Variants in IL19 observed in about 807,000 individuals in gnomAD.
IL19 encodes the protein interleukin 19.
In IL19, 15 loss-of-function variants were observed where a neutral mutation model predicts 19.5. The observed-to-expected ratio is 0.77, with a 90% CI of 0.52 to 1.19. The LOEUF (loss-of-function observed/expected upper bound fraction) is 1.19, where lower values mean the gene tolerates loss of function less well. IL19 is among the 50% of genes most tolerant of loss of function. IL19 has a pLI of 0.00. For synonymous variants in IL19, 78 were observed against 78.3 expected (o/e 1.00, Z 0.02); for missense variants, 199 against 213.1 (o/e 0.93, Z 0.41).
intron 2 of IL19, chr1:206,834,033 C>T (rs1468142046): frequency 1.5e-5 from 15 of 985,372 alleles, no homozygotes; most frequent in African/African-American, 8.7e-5. Context: ...CACTTGGTAA[C>T]GTGCCACAGC....
rs1210811175 is a variant in IL19, at chr1:206,836,764, G to T, written c.102G>T (p.Met34Ile). The T allele has an allele frequency of 1.2e-6, 2 of 1,613,964 alleles. No individual in the cohort carries two copies. The highest frequency in any genetic ancestry group is 1.7e-5 in the Admixed American group (1 of 60,008). Residue 34 changes from methionine to isoleucine, a missense_variant, in exon 3 of 7, where the codon ATG becomes ATT. Met to Ile is a conservative substitution (Grantham distance 10). Transcript: ENST00000659997. ...GGAGATGTCTGATTTCCACAGACAT[G>T]CACCATATAGAAGAGAGTTTCCAAG... ...GLRRCLISTD[M>I]HHIEESFQEI...
At chr1:206,801,309 A>G (rs2102461088) in intron 2 of IL19, among the ~76,000 whole-genome samples, 1 of 152,244 alleles carries the variant, frequency 6.6e-6, no homozygotes, top group Non-Finnish European at 1.5e-5. Context: ...CCTGCTCTGG[A>G]ATGTTCCTTG....
chr1:206,778,451 G>C (rs1675059789), intron 1 of IL19, among the ~76,000 whole-genome samples: 1 of 152,072 alleles, frequency 6.6e-6, no homozygotes, highest in Non-Finnish European at 1.5e-5. Context: ...GATTCTTTTA[G>C]CTCCAGGACT....
rs772363161 is a variant in IL19, at chr1:206,807,022, C to T, written c.-3+8016C>T. On this transcript the variant is annotated intron_variant, in intron 2 of 6. Coordinates refer to ENST00000659997, the MANE Select transcript of IL19 (RefSeq NM_153758.5). ...CACAGTCCTGCAGGGCTGGGGAGGC[C>T]TCAGGAAACTTACAATCATGGCATA... Among the ~76,000 whole-genome samples, 63 of 152,110 alleles carry T rather than the reference C, an allele frequency of 4.1e-4. 2 individuals carry two copies. Among genetic ancestry groups the T allele is most frequent in the Non-Finnish European group, 1.9e-4 (13 of 68,020 alleles).
chr1:206,818,091 T>C (rs896975241), intron 2 of IL19, among the ~76,000 whole-genome samples: 1 of 152,328 alleles, frequency 6.6e-6, no homozygotes, highest in Non-Finnish European at 1.5e-5. Context: ...TCAATACCCA[T>C]TTCTCAATAA....
At chr1:206,785,066 T>C (rs1675238340) in intron 1 of IL19, among the ~76,000 whole-genome samples, 1 of 152,104 alleles carries the variant, frequency 6.6e-6, no homozygotes, top group South Asian at 2.1e-4. Context: ...AATGCCTCCA[T>C]TGTATCCCAT....
chr1:206,841,525 C>T lies in IL19; in HGVS notation c.438+447C>T, dbSNP rs1405980705. Among the ~76,000 whole-genome samples, 5 of 152,204 alleles carry T rather than the reference C, an allele frequency of 3.3e-5. No homozygotes were observed. In the East Asian group the frequency reaches 7.7e-4, roughly 23 times the overall value. On this transcript the variant is annotated intron_variant, in intron 6 of 6. Coordinates refer to ENST00000659997, the MANE Select transcript of IL19 (RefSeq NM_153758.5). Reference sequence around the variant, plus strand: ...ATGTTGGTGTAAAATGCACATCTCACGTGGAGGTAGAGGAAGAAGCAGTGT... The same window carrying T: ...ATGTTGGTGTAAAATGCACATCTCATGTGGAGGTAGAGGAAGAAGCAGTGT...
intron 1 of IL19, among the ~76,000 whole-genome samples, chr1:206,788,436 C>T (rs369558068): frequency 9.2e-5 from 14 of 152,088 alleles, no homozygotes; most frequent in East Asian, 3.8e-4. Flanking sequence ...TTTATAGTAG[C>T]GCAAAATAAG....
intron 2 of IL19, among the ~76,000 whole-genome samples, chr1:206,830,196 G>T (rs903191885): frequency 2.0e-5 from 3 of 152,266 alleles, no homozygotes; most frequent in African/African-American, 7.2e-5. Context: ...CCACTTCCTT[G>T]CGGTGCCATG....
At chr1:206,780,049 T>G (rs1484978998) in intron 1 of IL19, among the ~76,000 whole-genome samples, 1 of 103,346 alleles carries the variant, frequency 9.7e-6, no homozygotes, top group African/African-American at 3.1e-5. Flanking sequence ...CTTCCTGCTC[T>G]CCTCCTGTCT....
At position 206,836,777 on chromosome 1, in the gene IL19, G is replaced by T; in HGVS notation, c.115G>T (p.Glu39Ter). ...TTCCACAGACATGCACCATATAGAA[G>T]AGAGTTTCCAAGAAATCAAAAGAGC... ...LISTDMHHIE[E>*]SFQEIKRAIQ... The change falls in exon 3 of 7, where the codon GAG (glutamate) becomes TAG (stop). Residue 39 changes from glutamate (E) to a stop codon, truncating the protein, a stop_gained. Transcript: ENST00000659997. LOFTEE classifies it high-confidence loss of function. 1.2e-6 allele frequency: 2 copies of T among 1,614,144 alleles called. No individual in the cohort carries two copies. The highest frequency in any genetic ancestry group is 1.7e-6 in the Non-Finnish European group (2 of 1,180,024).
chr1:206,811,034 G>A (rs545761490), intron 2 of IL19, among the ~76,000 whole-genome samples: 25 of 152,282 alleles, frequency 1.6e-4, no homozygotes, highest in African/African-American at 6.0e-4. Context: ...GCAGAACTGC[G>A]AGCCAAAATA....
intron 2 of IL19, among the ~76,000 whole-genome samples, chr1:206,829,697 G>A (rs1676537428): frequency 6.6e-6 from 1 of 152,176 alleles, no homozygotes; most frequent in African/African-American, 2.4e-5. Flanking sequence ...ACCTAGGGAA[G>A]AGTGGATTGT....
At chr1:206,822,225 C>A (rs193270088) in intron 2 of IL19, among the ~76,000 whole-genome samples, 2 of 151,880 alleles carry the variant, frequency 1.3e-5, no homozygotes, top group African/African-American at 2.4e-5. Flanking sequence ...TGGAGAAGGG[C>A]GATAGGGAAA....
At chr1:206,839,520 T>C (rs1416041233) in intron 4 of IL19, among the ~76,000 whole-genome samples, 4 of 152,124 alleles carry the variant, frequency 2.6e-5, no homozygotes, top group African/African-American at 4.8e-5. Flanking sequence ...AGGCAACTGG[T>C]TCCTGGAAAG....
In IL19 at chr1:206,839,831, C is replaced by T. The variant is rs1676938581; in HGVS notation, c.211-19C>T. The T allele has an allele frequency of 1.3e-6, 2 of 1,597,832 alleles. No homozygotes were observed. The highest frequency in any genetic ancestry group is 1.7e-6 in the Non-Finnish European group (2 of 1,171,596). On this transcript the variant is annotated intron_variant, in intron 4 of 6. Transcript: ENST00000659997. Reference sequence around the variant, plus strand: ...ATGAGAGAAGAGGCCTCTAGTGTTTCCCTAATTTGTGTTTGTAGCCCTTAG... The same window carrying T: ...ATGAGAGAAGAGGCCTCTAGTGTTTTCCTAATTTGTGTTTGTAGCCCTTAG...
intron 1 of IL19, among the ~76,000 whole-genome samples, chr1:206,787,368 G>A (rs1675292025): frequency 6.6e-6 from 1 of 152,214 alleles, no homozygotes; most frequent in East Asian, 1.9e-4. Flanking sequence ...TGCCTGCATG[G>A]ATGCATGTGT....
chr1:206,836,444 A>G (rs1007761072), intron 2 of IL19, among the ~76,000 whole-genome samples: 1 of 139,800 alleles, frequency 7.2e-6, no homozygotes, highest in African/African-American at 2.6e-5. Context: ...AGGTGGGGGC[A>G]TGGGGTGAGG....
intron 1 of IL19, chr1:206,772,254 G>A (rs755609227): frequency 5.6e-6 from 9 of 1,610,738 alleles, no homozygotes; most frequent in South Asian, 3.3e-5. Context: ...GAAAGGACAG[G>A]AAGGAATCAT....
Sources: gnomAD v4.1 joint callset for allele counts (sites outside exome capture counted in the v4.1 genomes callset) on GRCh38, gnomAD v4.1.1 for gene constraint, MANE v1.5 for transcripts, NCBI Gene and HGNC (gene_info 2026-07-23, HGNC 2026-07-21) for gene names.